The following FOXK1 variants were observed in gnomAD, a reference collection of about 807,000 sequenced individuals.
FOXK1 encodes the protein forkhead box K1.
FOXK1 carries 19 observed loss-of-function variants against 51.9 expected under a neutral mutation model. The ratio of observed to expected loss-of-function variants is 0.37; its 90% CI spans 0.26 to 0.54. FOXK1 has a LOEUF of 0.54. Among genes scored for constraint, FOXK1 ranks in the 20% least tolerant of loss-of-function variants. FOXK1 has a pLI of 0.87. For synonymous variants in FOXK1, 537 were observed against 482.6 expected (o/e 1.11, Z -1.48); for missense variants, 870 against 1,032.7 (o/e 0.84, Z 2.16).
chr7:4,755,359 C>T lies in FOXK1; in HGVS notation c.1026C>T (p.Tyr342=), dbSNP rs766866202. The change falls in exon 4 of 9, where the codon TAC becomes TAT. Residue 342 remains tyrosine (Y), a synonymous_variant. Transcript: ENST00000328914. This position sits in a 1 kb window ranked among gnomAD's most constrained non-coding sequence, Gnocchi z 6.6. Reference sequence around the variant, plus strand: ...ACATCACCAAGCATTACCCCTACTACCGGACGGCCGACAAAGGCTGGCAGG... The same window carrying T: ...ACATCACCAAGCATTACCCCTACTATCGGACGGCCGACAAAGGCTGGCAGG... The part of the protein sequence containing the change: ...YAHITKHYPY[Y]RTADKGWQNS... 4 of 1,613,566 alleles carry T rather than the reference C, an allele frequency of 2.5e-6. No individual in the cohort carries two copies. The highest frequency in any genetic ancestry group is 2.2e-5 in the East Asian group (1 of 44,886).
chr7:4,767,422 T>C lies in FOXK1; in HGVS notation c.*4958T>C, dbSNP rs564546376. 1 of 152,370 alleles carries C rather than the reference T, an allele frequency of 6.6e-6. No individual in the cohort carries two copies. Among genetic ancestry groups the C allele is most frequent in the Admixed American group, 6.5e-5 (1 of 15,304 alleles). The allele number at this position is 152,370 out of a possible 1,614,324, so 9.4% of individuals were successfully genotyped here. On this transcript the variant is annotated 3_prime_UTR_variant, in exon 9 of 9. Coordinates refer to ENST00000328914, the MANE Select transcript of FOXK1 (RefSeq NM_001037165.2). The surrounding 1 kb of genome is among the most constrained non-coding windows in gnomAD (Gnocchi z 6.6). The stretch of plus-strand genomic sequence containing the variant: ...CACCACGGGGACTGCGCCACACTCC[T>C]GATGAAAACGTGTTTACCCACAGCC...
In FOXK1 at chr7:4,759,233, C is replaced by A; in HGVS notation, c.1411+16C>A. The stretch of plus-strand genomic sequence containing the variant: ...AGCGCACCCGGTAAGGAGCGGGCGG[C>A]CCTCTTGCGGGGCGGGGCGGGGCGG... On this transcript the variant is annotated intron_variant, in intron 6 of 8. Coordinates refer to ENST00000328914, the MANE Select transcript of FOXK1 (RefSeq NM_001037165.2). 1 of 1,611,354 alleles carries A rather than the reference C, an allele frequency of 6.2e-7. No homozygotes were observed. The highest frequency in any genetic ancestry group is 8.5e-7 in the Non-Finnish European group (1 of 1,179,734).
At chr7:4,742,042 G>A (rs922805129) in intron 2 of FOXK1, among the ~76,000 whole-genome samples, 1 of 152,258 alleles carries the variant, frequency 6.6e-6, no homozygotes, top group Non-Finnish European at 1.5e-5. Context: ...TCTCCCAACC[G>A]CACGTCTGTG....
In FOXK1 at chr7:4,707,972, T is replaced by C. The variant is rs1307840214; in HGVS notation, c.560+25104T>C. On this transcript the variant is annotated intron_variant, in intron 1 of 8. Coordinates refer to ENST00000328914, the MANE Select transcript of FOXK1 (RefSeq NM_001037165.2). The surrounding 1 kb of genome is among the most constrained non-coding windows in gnomAD (Gnocchi z 4.1). ...TGCTGGGATTACACCCATGAGCCAC[T>C]GCGCTCAGCCTGTTTTCACCTGTTT... is the stretch of plus-strand genomic sequence containing the variant. Among the ~76,000 whole-genome samples, 3 of 152,080 alleles carry C rather than the reference T, an allele frequency of 2.0e-5. No individual in the cohort carries two copies. Among genetic ancestry groups the C allele is most frequent in the Admixed American group, 1.3e-4 (2 of 15,254 alleles).
At position 4,747,620 on chromosome 7, in the gene FOXK1, C is replaced by T. The variant is rs1328716690; in HGVS notation, c.746+6597C>T. ...GCACAGTCACAGCTCACTGCAACCT[C>T]AACCTCCCGGGCTCAAGCGATCCTC... On this transcript the variant is annotated intron_variant, in intron 2 of 8. Transcript: ENST00000328914. This position sits in a 1 kb window ranked among gnomAD's most constrained non-coding sequence, Gnocchi z 9.2. 6.6e-6 allele frequency among the ~76,000 whole-genome samples: 1 copy of T among 152,092 alleles called. No individual in the cohort carries two copies. Among genetic ancestry groups the T allele is most frequent in the Non-Finnish European group, 1.5e-5 (1 of 68,026 alleles).
chr7:4,737,450 G>A (rs917049511), intron 1 of FOXK1, among the ~76,000 whole-genome samples: 2 of 151,920 alleles, frequency 1.3e-5, no homozygotes, highest in African/African-American at 2.4e-5. Context: ...GTGTGTGTGC[G>A]TGCACGTGTG....
chr7:4,746,807 G>A (rs570425574), intron 2 of FOXK1, among the ~76,000 whole-genome samples: 95 of 152,354 alleles, frequency 6.2e-4, no homozygotes, highest in Middle Eastern at 6.8e-3. Context: ...ATCCTGCCTG[G>A]CTGATCTGGG....
In FOXK1 at chr7:4,747,054, A is replaced by G. The variant is rs1208398492; in HGVS notation, c.746+6031A>G. On this transcript the variant is annotated intron_variant, in intron 2 of 8. Coordinates refer to ENST00000328914, the MANE Select transcript of FOXK1 (RefSeq NM_001037165.2). The surrounding 1 kb of genome is among the most constrained non-coding windows in gnomAD (Gnocchi z 9.2). Reference sequence around the variant, plus strand: ...CCCTTCGAGGGGCAACTTTGGCGCTAAAGTGTTGGGAGTTCGGAATGAAGC... The same window carrying G: ...CCCTTCGAGGGGCAACTTTGGCGCTGAAGTGTTGGGAGTTCGGAATGAAGC... Among the ~76,000 whole-genome samples the G allele has an allele frequency of 6.6e-6, 1 of 152,148 alleles. No homozygotes were observed. Among genetic ancestry groups the G allele is most frequent in the East Asian group, 1.9e-4 (1 of 5,186 alleles).
At chr7:4,739,817 G>C (rs990645091) in intron 1 of FOXK1, among the ~76,000 whole-genome samples, 1 of 152,226 alleles carries the variant, frequency 6.6e-6, no homozygotes, top group African/African-American at 2.4e-5. Context: ...CTGCATAGGT[G>C]GTTGCCGTGC....
Position 4,754,585 on chromosome 7 carries a change from G to T in FOXK1, c.873G>T (p.Gln291His). ...CAGCAAAGGCCGCGTCGGAGCAGCA[G>T]GCAGACACGTCTGGAGGAGACAGCC... Reference protein sequence around the residue: ...EFAAKAASEQQADTSGGDSPK... With the variant: ...EFAAKAASEQHADTSGGDSPK... The change falls in exon 3 of 9, where the codon CAG becomes CAT. Residue 291 changes from glutamine to histidine, a missense_variant. Gln to His is a conservative substitution (Grantham distance 24). This residue lies in a region of FOXK1 where 399 missense variants were observed against 475.6 expected (regional missense o/e 0.84). Coordinates refer to ENST00000328914, the MANE Select transcript of FOXK1 (RefSeq NM_001037165.2). 1 of 1,607,244 alleles carries T rather than the reference G, an allele frequency of 6.2e-7. No individual in the cohort carries two copies.
rs1486628930 is a variant in FOXK1 at position 4,753,882 on chromosome 7, G to A, written c.747-577G>A. 6.6e-6 allele frequency among the ~76,000 whole-genome samples: 1 copy of A among 152,166 alleles called. No homozygotes were observed. The highest frequency in any genetic ancestry group is 2.4e-5 in the African/African-American group (1 of 41,442). ...GGAGGGAGAGGGGATGAGGGCAGGG[G>A]CATCTCAGCGGCTCAGGGCAAAACT... On this transcript the variant is annotated intron_variant, in intron 2 of 8. Coordinates refer to ENST00000328914, the MANE Select transcript of FOXK1 (RefSeq NM_001037165.2). This position sits in a 1 kb window ranked among gnomAD's most constrained non-coding sequence, Gnocchi z 4.9.
chr7:4,755,536 C>G lies in FOXK1; in HGVS notation c.1050+153C>G, dbSNP rs1405708628. Among the ~76,000 whole-genome samples the G allele has an allele frequency of 1.3e-5, 2 of 152,148 alleles. No individual in the cohort carries two copies. The highest frequency in any genetic ancestry group is 2.9e-5 in the Non-Finnish European group (2 of 68,022). ...TGTGAGGCCGAGGCAGGAGGAGGAT[C>G]AAGACCAGCCTGTGCAACATAGAGA... is the stretch of plus-strand genomic sequence containing the variant. On this transcript the variant is annotated intron_variant, in intron 4 of 8. Transcript: ENST00000328914. This position sits in a 1 kb window ranked among gnomAD's most constrained non-coding sequence, Gnocchi z 6.6.
chr7:4,695,496 C>G (rs1156808296), intron 1 of FOXK1, among the ~76,000 whole-genome samples: 1 of 152,180 alleles, frequency 6.6e-6, no homozygotes, highest in East Asian at 1.9e-4. Flanking sequence ...GCATGTGTGG[C>G]TGTTGAGTGT....
intron 1 of FOXK1, among the ~76,000 whole-genome samples, chr7:4,710,854 C>T (rs79550439): frequency 0.03 from 4,588 of 152,234 alleles, 233 homozygotes; most frequent in African/African-American, 0.1. Context: ...AGCCATTCCA[C>T]GTCGTGGATT....
Position 4,753,869 on chromosome 7 carries a change from G to T in FOXK1, c.747-590G>T, listed in dbSNP as rs2115070315. ...TTGCTCCAGCCTGGGAGGGAGAGGGGATGAGGGCAGGGGCATCTCAGCGGC... is the reference window on the plus strand; with the variant it reads ...TTGCTCCAGCCTGGGAGGGAGAGGGTATGAGGGCAGGGGCATCTCAGCGGC... On this transcript the variant is annotated intron_variant, in intron 2 of 8. Coordinates refer to ENST00000328914, the MANE Select transcript of FOXK1 (RefSeq NM_001037165.2). This position sits in a 1 kb window ranked among gnomAD's most constrained non-coding sequence, Gnocchi z 4.9. Among the ~76,000 whole-genome samples, 1 of 152,282 alleles carries T rather than the reference G, an allele frequency of 6.6e-6. No homozygotes were observed. Among genetic ancestry groups the T allele is most frequent in the South Asian group, 2.1e-4 (1 of 4,822 alleles).
At chr7:4,754,740 G>T in intron 3 of FOXK1, 125 bp downstream of exon 3, 1 of 1,210,426 alleles carries the variant, frequency 8.3e-7, no homozygotes, top group Non-Finnish European at 1.1e-6. Flanking sequence ...CAGCCCACAG[G>T]GAATGGAGCC....
rs552839232 is a variant in FOXK1 at position 4,709,470 on chromosome 7, A to T, written c.560+26602A>T. Among the ~76,000 whole-genome samples, 1 of 152,212 alleles carries T rather than the reference A, an allele frequency of 6.6e-6. No homozygotes were observed. The highest frequency in any genetic ancestry group is 1.9e-4 in the East Asian group (1 of 5,176). On this transcript the variant is annotated intron_variant, in intron 1 of 8. Transcript: ENST00000328914. This position sits in a 1 kb window ranked among gnomAD's most constrained non-coding sequence, Gnocchi z 5.6. Reference sequence around the variant, plus strand: ...GGACTCGATGTCTCCGAGCAGATCGAGGCTGGCCCACCCCTGCTGGCCCGC... The same window carrying T: ...GGACTCGATGTCTCCGAGCAGATCGTGGCTGGCCCACCCCTGCTGGCCCGC...
intron 1 of FOXK1, among the ~76,000 whole-genome samples, chr7:4,738,518 G>A (rs1391214182): frequency 6.6e-6 from 1 of 152,166 alleles, no homozygotes; most frequent in Non-Finnish European, 1.5e-5. Flanking sequence ...CACTGGGCTG[G>A]ACTGAAGAAA....
intron 1 of FOXK1, among the ~76,000 whole-genome samples, chr7:4,699,635 C>A (rs192040240): frequency 2.2e-4 from 34 of 152,140 alleles, no homozygotes; most frequent in African/African-American, 7.7e-4. Flanking sequence ...TCCACAGTGC[C>A]GGGATTACAG....
Sources: gnomAD v4.1 joint callset for allele counts (sites outside exome capture counted in the v4.1 genomes callset) on GRCh38, gnomAD v4.1.1 for gene constraint, gnomAD v4.1.1 regional missense constraint, Gnocchi (gnomAD v3.1) non-coding constraint, MANE v1.5 for transcripts, NCBI Gene and HGNC (gene_info 2026-07-23, HGNC 2026-07-21) for gene names.